SHANK2: variants seen among roughly 807,000 people sequenced by gnomAD.
SHANK2 encodes SH3 and multiple ankyrin repeat domains 2.
A neutral mutation model predicts 133.7 loss-of-function variants in SHANK2; 43 were observed. The ratio of observed to expected loss-of-function variants is 0.32; its 90% confidence interval spans 0.25 to 0.41. The LOEUF is 0.41. Among genes scored for constraint, SHANK2 ranks in the 10% least tolerant of loss-of-function variants. The pLI is 1.00. For missense variants in SHANK2, 1,994 were observed against 2,235.8 expected (o/e 0.89, Z 2.18); for synonymous variants, 1,017 against 952.8 (o/e 1.07, Z -1.24).
chr11:71,103,086 G>A (rs186280760), intron 6 of SHANK2, among the ~76,000 whole-genome samples: 24 of 152,344 alleles, frequency 1.6e-4, no homozygotes, highest in African/African-American at 5.3e-4. Context: ...GCCCCCAGGA[G>A]CCCATCACCT....
chr11:71,065,646 G>A (rs1951043467), intron 9 of SHANK2, among the ~76,000 whole-genome samples: 7 of 135,520 alleles, frequency 5.2e-5, no homozygotes. Flanking sequence ...CTCCCAGGGA[G>A]ATGAGCAGTG....
chr11:70,631,382 A>ACC (rs2060985074), intron 17 of SHANK2: 3 of 146,418 alleles, frequency 2.0e-5, no homozygotes, highest in African/African-American at 7.5e-5. Flanking sequence ...AGTTACACAC[A>ACC]CACACACACA....
At chr11:70,620,068 A>G (rs754782695) in intron 17 of SHANK2, among the ~76,000 whole-genome samples, 4 of 152,092 alleles carry the variant, frequency 2.6e-5, no homozygotes, top group Non-Finnish European at 5.9e-5. Flanking sequence ...CTCTTCTCAT[A>G]AGGACACGGA....
rs145338168 is a variant in SHANK2, at chr11:70,664,769, G to A, written c.1854-3091C>T. Among the ~76,000 whole-genome samples, 1,285 of 152,340 alleles carry A rather than the reference G, an allele frequency of 8.4e-3. 13 individuals carry two copies. Among genetic ancestry groups the A allele is most frequent in the African/African-American group, 0.02 (825 of 41,566 alleles). On this transcript the variant is annotated intron_variant, in intron 15 of 25. Coordinates refer to ENST00000601538, the MANE Select transcript of SHANK2 (RefSeq NM_012309.5). ...CTTGCTAGCTGTCTCCCATAGACTAGAGAAGGGCAGGGGCATTCCAGTGTG... is the reference window on the plus strand; with the variant it reads ...CTTGCTAGCTGTCTCCCATAGACTAAAGAAGGGCAGGGGCATTCCAGTGTG...
chr11:70,926,579 G>A (rs889755497), intron 10 of SHANK2, among the ~76,000 whole-genome samples: 1 of 152,140 alleles, frequency 6.6e-6, no homozygotes, highest in Non-Finnish European at 1.5e-5. Flanking sequence ...GCAGCACTAC[G>A]ATAGGGGCCA....
intron 8 of SHANK2, among the ~76,000 whole-genome samples, chr11:71,075,610 C>T (rs1590886486): frequency 6.6e-6 from 1 of 152,314 alleles, no homozygotes; most frequent in East Asian, 1.9e-4. Context: ...ATGTCTTTCT[C>T]CCATCCTCAG....
intron 14 of SHANK2, among the ~76,000 whole-genome samples, chr11:70,771,436 C>A (rs782103977): frequency 1.3e-5 from 2 of 152,170 alleles, no homozygotes; most frequent in African/African-American, 4.8e-5. Context: ...GATGGAGATG[C>A]CCAGTGGCAG....
In SHANK2 at chr11:70,490,400, G is replaced by C. The variant is rs1343310328; in HGVS notation, c.2440-13C>G. Reference sequence around the variant, plus strand: ...GTTCGTACACAGACTGCAAACCAGAGAGCCTAGGGTGAGACGCAGCCCTGG... The same window carrying C: ...GTTCGTACACAGACTGCAAACCAGACAGCCTAGGGTGAGACGCAGCCCTGG... On this transcript the variant is annotated splice_polypyrimidine_tract_variant and intron_variant, in intron 22 of 25. Coordinates refer to ENST00000601538, the MANE Select transcript of SHANK2 (RefSeq NM_012309.5). 6.2e-7 allele frequency: 1 copy of C among 1,611,498 alleles called. No homozygotes were observed. The highest frequency in any genetic ancestry group is 1.3e-5 in the African/African-American group (1 of 75,004).
chr11:70,873,331 G>A (rs1297197008), intron 11 of SHANK2, among the ~76,000 whole-genome samples: 1 of 152,216 alleles, frequency 6.6e-6, no homozygotes, highest in Non-Finnish European at 1.5e-5. Flanking sequence ...GACTTGCAGG[G>A]CTTCCAGGAA....
intron 14 of SHANK2, among the ~76,000 whole-genome samples, chr11:70,727,655 C>T (rs903107176): frequency 6.6e-6 from 1 of 152,174 alleles, no homozygotes; most frequent in Non-Finnish European, 1.5e-5. Flanking sequence ...CTGCATTCCA[C>T]ATGGGGCAGG....
At chr11:70,583,611 C>T (rs977160443) in intron 17 of SHANK2, among the ~76,000 whole-genome samples, 15 of 152,190 alleles carry the variant, frequency 9.9e-5, no homozygotes, top group African/African-American at 1.7e-4. Context: ...ACATGCACTC[C>T]GGGTCATCGA....
At chr11:70,588,913 G>C (rs1178580260) in intron 17 of SHANK2, among the ~76,000 whole-genome samples, 1 of 152,212 alleles carries the variant, frequency 6.6e-6, no homozygotes, top group Non-Finnish European at 1.5e-5. Context: ...CGCCTCCCGG[G>C]TTCATGCCAT....
chr11:70,757,593 G>C lies in SHANK2; in HGVS notation c.1777+40850C>G, dbSNP rs142577486. Among the ~76,000 whole-genome samples the C allele has an allele frequency of 2.4e-3, 364 of 152,360 alleles. 1 individual carries two copies. Among genetic ancestry groups the C allele is most frequent in the African/African-American group, 8.7e-3 (360 of 41,580 alleles). On this transcript the variant is annotated intron_variant, in intron 14 of 25. Transcript: ENST00000601538. ...TGCCTACGTGACAGGATTCCCAAGG[G>C]AGAAATATTTCACACATGTGGCTGC...
chr11:70,490,196 G>T, intron 23 of SHANK2, 80 bp downstream of exon 23: 1 of 1,225,912 alleles, frequency 8.2e-7, no homozygotes, highest in South Asian at 1.2e-5. Flanking sequence ...AGAGGCCCAG[G>T]GCTCAGAATT....
At chr11:70,643,179 T>C (rs1555006981) in intron 17 of SHANK2, among the ~76,000 whole-genome samples, 1 of 152,200 alleles carries the variant, frequency 6.6e-6, no homozygotes, top group Non-Finnish European at 1.5e-5. Flanking sequence ...ATCACATTGG[T>C]GTGGAGCTTT....
At chr11:71,139,817 G>A (rs1555105456) in intron 3 of SHANK2, among the ~76,000 whole-genome samples, 3 of 152,238 alleles carry the variant, frequency 2.0e-5, no homozygotes, top group Non-Finnish European at 1.5e-5. Flanking sequence ...TGCCTGAAGG[G>A]TTGTGAGCAC....
At chr11:70,521,867 C>T (rs2059335052) in intron 17 of SHANK2, among the ~76,000 whole-genome samples, 2 of 152,234 alleles carry the variant, frequency 1.3e-5, no homozygotes, top group African/African-American at 2.4e-5. Flanking sequence ...CACATGTCCT[C>T]GCTGCAAGGC....
chr11:70,805,735 A>C (rs1210020563), intron 13 of SHANK2, among the ~76,000 whole-genome samples: 1 of 152,176 alleles, frequency 6.6e-6, no homozygotes. Context: ...AATAAAAGGC[A>C]ACAATAAAAA....
At chr11:71,215,477 G>A (rs1954390572) in intron 2 of SHANK2, among the ~76,000 whole-genome samples, 1 of 152,184 alleles carries the variant, frequency 6.6e-6, no homozygotes. Context: ...AGCTTCAGAT[G>A]GTGCCTCCTG....
Sources: allele counts gnomAD v4.1 joint callset (sites outside exome capture counted in the v4.1 genomes callset), GRCh38; gene constraint gnomAD v4.1.1; transcripts MANE v1.5; gene names NCBI Gene and HGNC (gene_info 2026-07-23, HGNC 2026-07-21).